The following MTNR1A variants were observed in gnomAD, a reference collection of about 807,000 sequenced individuals.
MTNR1A encodes the protein melatonin receptor type 1A.
Under a neutral mutation model 5.5 loss-of-function variants are expected in MTNR1A, and 7 were observed. The ratio of observed to expected loss-of-function variants is 1.28; its 90% CI spans 0.73 to 2.40. The LOEUF (loss-of-function observed/expected upper bound fraction) is 2.40. Among genes scored for constraint, MTNR1A ranks in the 30% most tolerant of loss-of-function variants. The pLI, the probability that MTNR1A is intolerant of heterozygous loss-of-function variation, is 0.00. For synonymous variants in MTNR1A, 196 were observed against 202.7 expected, an observed-to-expected ratio of 0.97 and a Z score of 0.28; for missense variants, 441 against 464.4, an observed-to-expected ratio of 0.95 and a Z score of 0.46.
chr4:186,543,168 T>C (rs1249373889), intron 1 of MTNR1A, among the ~76,000 whole-genome samples: 1 of 152,156 alleles, frequency 6.6e-6, no homozygotes, highest in African/African-American at 2.4e-5. Context: ...AGTGAATCCA[T>C]AGACAAGGAG....
At position 186,534,642 on chromosome 4, in the gene MTNR1A, T is replaced by C. The variant is rs190248427; in HGVS notation, c.185-85A>G. 1.1e-4 allele frequency: 160 copies of C among 1,490,022 alleles called. No homozygotes were observed. In the African/African-American group the frequency reaches 2.1e-3, roughly 20 times the overall value. The allele number at this position is 1,490,022 out of a possible 1,614,324, so 92.3% of individuals were successfully genotyped here. On this transcript the variant is annotated intron_variant, in intron 1 of 1. Transcript: ENST00000307161. ...CAATTGTTAAAGAAGGAGCTGCTTC[T>C]GCAGCTCCGATGACCTGACGTCACA...
chr4:186,555,164 A>G lies in MTNR1A; in HGVS notation c.184+18T>C. 6.3e-7 allele frequency: 1 copy of G among 1,584,466 alleles called. No homozygotes were observed. Among genetic ancestry groups the G allele is most frequent in the South Asian group, 1.2e-5 (1 of 86,942 alleles). On this transcript the variant is annotated intron_variant, in intron 1 of 1. Transcript: ENST00000307161. The surrounding 1 kb of genome is among the most constrained non-coding windows in gnomAD (Gnocchi z 4.1). ...TGCGTCCGGAGCGCTGGCCCAGGGG[A>G]GGCGGCGCGGGCCCTACCTGCGTTC...
chr4:186,555,416 G>T lies in MTNR1A; in HGVS notation c.-51C>A. ...GGGCCATCGCCCGCCTCGTCCGCCC[G>T]CCCGACCACTTGTTAAGGCTCCGCC... On this transcript the variant is annotated 5_prime_UTR_variant, in exon 1 of 2. Coordinates refer to ENST00000307161, the MANE Select transcript of MTNR1A (RefSeq NM_005958.4). The surrounding 1 kb of genome is among the most constrained non-coding windows in gnomAD (Gnocchi z 4.1). The T allele has an allele frequency of 7.5e-7, 1 of 1,329,568 alleles. No homozygotes were observed. The highest frequency in any genetic ancestry group is 1.5e-5 in the African/African-American group (1 of 64,520). The allele number at this position is 1,329,568 out of a possible 1,614,324, so 82.4% of individuals were successfully genotyped here.
At chr4:186,546,825 G>C (rs1737158845) in intron 1 of MTNR1A, among the ~76,000 whole-genome samples, 1 of 148,836 alleles carries the variant, frequency 6.7e-6, no homozygotes, top group African/African-American at 2.6e-5. Context: ...CCTGTTCGTG[G>C]GACACACCGT....
Position 186,533,950 on chromosome 4 carries a change from G to A in MTNR1A, c.792C>T (p.Asp264=), listed in dbSNP as rs147561696. ...GGATCCTAGGCACCATGCTGGCGGGGTCAGAGGCCACGGCCAGGCCAATGA... is the reference window on the plus strand; with the variant it reads ...GGATCCTAGGCACCATGCTGGCGGGATCAGAGGCCACGGCCAGGCCAATGA... ...LNFIGLAVAS[D]PASMVPRIPE... is the part of the protein sequence containing the mutation. The change falls in exon 2 of 2, where the codon GAC becomes GAT. Residue 264 remains aspartate (D), a synonymous_variant. Coordinates refer to ENST00000307161, the MANE Select transcript of MTNR1A (RefSeq NM_005958.4). 20 of 1,614,074 alleles carry A rather than the reference G, an allele frequency of 1.2e-5. No homozygotes were observed. Among genetic ancestry groups the A allele is most frequent in the Non-Finnish European group, 1.5e-5 (18 of 1,180,042 alleles).
At chr4:186,541,662 C>T (rs1420983336) in intron 1 of MTNR1A, among the ~76,000 whole-genome samples, 1 of 152,210 alleles carries the variant, frequency 6.6e-6, no homozygotes, top group Non-Finnish European at 1.5e-5. Context: ...GTATCACATT[C>T]TCATAGGAGT....
In MTNR1A at chr4:186,555,162, G is replaced by A. The variant is rs1031381732; in HGVS notation, c.184+20C>T. ...GCTGCGTCCGGAGCGCTGGCCCAGGGGAGGCGGCGCGGGCCCTACCTGCGT... is the reference window on the plus strand; with the variant it reads ...GCTGCGTCCGGAGCGCTGGCCCAGGAGAGGCGGCGCGGGCCCTACCTGCGT... On this transcript the variant is annotated intron_variant, in intron 1 of 1. Transcript: ENST00000307161. This position sits in a 1 kb window ranked among gnomAD's most constrained non-coding sequence, Gnocchi z 4.1. 1 of 1,584,182 alleles carries A rather than the reference G, an allele frequency of 6.3e-7. No homozygotes were observed.
In MTNR1A at chr4:186,555,198, C is replaced by A. The variant is rs767781032; in HGVS notation, c.168G>T (p.Lys56Asn). 10 of 1,594,996 alleles carry A rather than the reference C, an allele frequency of 6.3e-6. No individual in the cohort carries two copies. Among genetic ancestry groups the A allele is most frequent in the Non-Finnish European group, 7.7e-6 (9 of 1,171,438 alleles). ...GGGCCCTACCTGCGTTCCTGAGCTTCTTGTTCCGATACACCGACAGGATGA... is the reference window on the plus strand; with the variant it reads ...GGGCCCTACCTGCGTTCCTGAGCTTATTGTTCCGATACACCGACAGGATGA... The part of the protein sequence containing the change: ...LLVILSVYRN[K>N]KLRNAGNIFV... Residue 56 changes from lysine (K) to asparagine (N), a missense_variant, in exon 1 of 2, where the codon AAG (lysine) becomes AAT (asparagine). Coordinates refer to ENST00000307161, the MANE Select transcript of MTNR1A (RefSeq NM_005958.4). The surrounding 1 kb of genome is among the most constrained non-coding windows in gnomAD (Gnocchi z 4.1).
chr4:186,555,449 C>T lies in MTNR1A; in HGVS notation c.-84G>A, dbSNP rs1737351994. The T allele has an allele frequency of 3.4e-6, 4 of 1,172,920 alleles. No individual in the cohort carries two copies. Among genetic ancestry groups the T allele is most frequent in the Non-Finnish European group, 4.3e-6 (4 of 926,470 alleles). The allele number at this position is 1,172,920 out of a possible 1,614,324, so 72.7% of individuals were successfully genotyped here. A position where few individuals can be genotyped will look rare whatever the true frequency, so the allele number is the denominator to read the frequency against. ...ACTTGTTAAGGCTCCGCCCGGCGCTCCCCGCGCCCACGCCCCATCCCGCGC... is the reference window on the plus strand; with the variant it reads ...ACTTGTTAAGGCTCCGCCCGGCGCTTCCCGCGCCCACGCCCCATCCCGCGC... On this transcript the variant is annotated 5_prime_UTR_variant, in exon 1 of 2. Transcript: ENST00000307161. The surrounding 1 kb of genome is among the most constrained non-coding windows in gnomAD (Gnocchi z 4.1).
intron 1 of MTNR1A, among the ~76,000 whole-genome samples, chr4:186,547,527 G>A (rs112761212): frequency 4.6e-5 from 7 of 152,168 alleles, no homozygotes; most frequent in East Asian, 1.9e-4. Flanking sequence ...TGGTACTCGC[G>A]GTTGTCTGAA....
At chr4:186,538,444 C>T (rs1036965255) in intron 1 of MTNR1A, among the ~76,000 whole-genome samples, 4 of 152,186 alleles carry the variant, frequency 2.6e-5, no homozygotes, top group Admixed American at 2.6e-4. Flanking sequence ...ACCACAAGCT[C>T]GGCACTCCGA....
rs2111363731 is a variant in MTNR1A, at chr4:186,534,392, T to C, written c.350A>G (p.Asn117Ser). The C allele has an allele frequency of 2.7e-5, 43 of 1,614,046 alleles. No individual in the cohort carries two copies. Among genetic ancestry groups the C allele is most frequent in the Non-Finnish European group, 3.6e-5 (43 of 1,180,014 alleles). ...MGLSVIGSIF[N>S]ITGIAINRYC... Reference sequence around the variant, plus strand: ...GCGGTTGATGGCGATGCCGGTGATGTTGAATATGGAGCCGATGACGCTCAG... The same window carrying C: ...GCGGTTGATGGCGATGCCGGTGATGCTGAATATGGAGCCGATGACGCTCAG... The change falls in exon 2 of 2, where the codon AAC becomes AGC. Residue 117 changes from asparagine (N) to serine (S), a missense_variant. Asn to Ser is a conservative substitution (Grantham distance 46). Transcript: ENST00000307161.
intron 1 of MTNR1A, among the ~76,000 whole-genome samples, chr4:186,538,573 C>T (rs78723139): frequency 0.013 from 1,971 of 152,282 alleles, 39 homozygotes; most frequent in African/African-American, 0.045. Flanking sequence ...AGTCCCTCCT[C>T]CCAGGTTCTA....
Position 186,555,153 on chromosome 4 carries a change from T to C in MTNR1A, c.184+29A>G. 1 of 1,578,394 alleles carries C rather than the reference T, an allele frequency of 6.3e-7. No homozygotes were observed. Among genetic ancestry groups the C allele is most frequent in the Non-Finnish European group, 8.6e-7 (1 of 1,162,386 alleles). On this transcript the variant is annotated intron_variant, in intron 1 of 1. Coordinates refer to ENST00000307161, the MANE Select transcript of MTNR1A (RefSeq NM_005958.4). The surrounding 1 kb of genome is among the most constrained non-coding windows in gnomAD (Gnocchi z 4.1). ...CGGAGAGGCGCTGCGTCCGGAGCGC[T>C]GGCCCAGGGGAGGCGGCGCGGGCCC... is the stretch of plus-strand genomic sequence containing the variant.
At chr4:186,539,952 C>A (rs139196492) in intron 1 of MTNR1A, among the ~76,000 whole-genome samples, 2 of 152,294 alleles carry the variant, frequency 1.3e-5, no homozygotes, top group Non-Finnish European at 2.9e-5. Flanking sequence ...TAAAGACATA[C>A]TCGAGACTGG....
At chr4:186,547,776 T>C (rs1360331650) in intron 1 of MTNR1A, among the ~76,000 whole-genome samples, 2 of 152,224 alleles carry the variant, frequency 1.3e-5, no homozygotes, top group Non-Finnish European at 2.9e-5. Context: ...ACACTGTATA[T>C]ACAATACGAG....
chr4:186,534,291 T>A lies in MTNR1A; in HGVS notation c.451A>T (p.Ile151Leu). Residue 151 changes from isoleucine to leucine, a missense_variant, in exon 2 of 2, where the codon ATA (isoleucine) becomes TTA (leucine). Physicochemically the swap from Ile to Leu is conservative, Grantham distance 5 (BLOSUM62 2). Transcript: ENST00000307161. ...SKNSLCYVLL[I>L]WLLTLAAVLP... is the part of the protein sequence containing the mutation. ...ACGGCCGCCAGCGTCAGGAGCCATA[T>A]GAGGAGCACGTAGCAGAGGGAGTTC... 2 of 1,614,090 alleles carry A rather than the reference T, an allele frequency of 1.2e-6. No individual in the cohort carries two copies. Among genetic ancestry groups the A allele is most frequent in the East Asian group, 2.2e-5 (1 of 44,864 alleles).
chr4:186,534,132 T>G lies in MTNR1A; in HGVS notation c.610A>C (p.Ile204Leu). ...FHFLVPMIIV[I>L]FCYLRIWILV... ...ATCCATATTCTCAGGTAACAGAAGA[T>G]GACTATGATCATGGGGACGAGGAAG... Residue 204 changes from isoleucine (I) to leucine (L), a missense_variant, in exon 2 of 2, where the codon ATC becomes CTC. By Grantham distance (5) the Ile-to-Leu change is conservative. Transcript: ENST00000307161. 2 of 1,613,906 alleles carry G rather than the reference T, an allele frequency of 1.2e-6. No individual in the cohort carries two copies.
chr4:186,535,738 T>C (rs1339879567), intron 1 of MTNR1A, among the ~76,000 whole-genome samples: 1 of 152,224 alleles, frequency 6.6e-6, no homozygotes, highest in Non-Finnish European at 1.5e-5. Flanking sequence ...TGAGATGTTC[T>C]GCAAATATGT....
Sources: gnomAD v4.1 joint callset for allele counts (sites outside exome capture counted in the v4.1 genomes callset) on GRCh38, gnomAD v4.1.1 for gene constraint, Gnocchi (gnomAD v3.1) non-coding constraint, MANE v1.5 for transcripts, NCBI Gene and HGNC (gene_info 2026-07-23, HGNC 2026-07-21) for gene names.